The following NRXN1 variants were observed in gnomAD, a reference collection of about 807,000 sequenced individuals.
The protein encoded by NRXN1 is neurexin-1.
NRXN1 carries 39 observed loss-of-function variants against 150.9 expected under a neutral mutation model. The ratio of observed to expected loss-of-function variants is 0.26; its 90% CI spans 0.20 to 0.34. The LOEUF is 0.34. Ranked by LOEUF, NRXN1 falls within the 10% of genes least tolerant of loss-of-function variation. NRXN1 has a pLI of 1.00. For missense variants in NRXN1, 1,815 were observed against 1,949.9 expected (o/e 0.93, Z 1.30); for synonymous variants, 924 against 757.0 (o/e 1.22, Z -3.62).
intron 18 of NRXN1, among the ~76,000 whole-genome samples, chr2:50,119,208 C>T (rs1703500179): frequency 6.6e-6 from 1 of 152,002 alleles, no homozygotes; most frequent in Non-Finnish European, 1.5e-5. Context: ...GAATGTCTTA[C>T]CATTATGTGT....
At chr2:51,024,439 T>C (rs1575262846) in intron 2 of NRXN1, among the ~76,000 whole-genome samples, 1 of 152,098 alleles carries the variant, frequency 6.6e-6, no homozygotes, top group Non-Finnish European at 1.5e-5. Context: ...TTGCCAGACG[T>C]CAAGAAAAAG....
chr2:50,902,673 A>C (rs905399368), intron 5 of NRXN1, among the ~76,000 whole-genome samples: 4 of 152,056 alleles, frequency 2.6e-5, no homozygotes, highest in Non-Finnish European at 5.9e-5. Context: ...GTGTAGTTTG[A>C]CCTTAGTGGG....
chr2:50,563,789 C>G (rs1669465987), intron 8 of NRXN1, among the ~76,000 whole-genome samples: 1 of 152,188 alleles, frequency 6.6e-6, no homozygotes, highest in East Asian at 1.9e-4. Context: ...TTCTATGCTT[C>G]CTCAACCTGA....
intron 5 of NRXN1, among the ~76,000 whole-genome samples, chr2:50,645,988 G>A (rs1684763229): frequency 6.6e-6 from 1 of 151,880 alleles, no homozygotes; most frequent in South Asian, 2.1e-4. Flanking sequence ...CAACTGGCAT[G>A]CTGGAAGGGC....
rs532237317 is a variant in NRXN1 at position 50,679,704 on chromosome 2, T to C, written c.833-56089A>G. Among the ~76,000 whole-genome samples, 3 of 152,260 alleles carry C rather than the reference T, an allele frequency of 2.0e-5. No homozygotes were observed. In the East Asian group the frequency reaches 5.8e-4, roughly 29 times the overall value. On this transcript the variant is annotated intron_variant, in intron 5 of 22. Coordinates refer to ENST00000401669, the MANE Select transcript of NRXN1 (RefSeq NM_001330078.2). The stretch of plus-strand genomic sequence containing the variant: ...TTATTCTATTAATAAAGAAAATGTA[T>C]ATGAAGAAAATGCACTTTACAAAGT...
chr2:50,439,620 C>T (rs2085754398), intron 17 of NRXN1, among the ~76,000 whole-genome samples: 1 of 151,892 alleles, frequency 6.6e-6, no homozygotes, highest in Non-Finnish European at 1.5e-5. Flanking sequence ...TCCTGGCTAA[C>T]ACGGTGAAAA....
intron 17 of NRXN1, among the ~76,000 whole-genome samples, chr2:50,329,235 T>C (rs2076584623): frequency 6.6e-6 from 1 of 152,084 alleles, no homozygotes; most frequent in South Asian, 2.1e-4. Flanking sequence ...AAGGAACACA[T>C]CACTAGGTAA....
intron 15 of NRXN1, among the ~76,000 whole-genome samples, chr2:50,490,177 A>T (rs1312508939): frequency 6.6e-6 from 1 of 152,208 alleles, no homozygotes; most frequent in African/African-American, 2.4e-5. Flanking sequence ...AATTGCCTCA[A>T]AAGTGGTGTC....
chr2:50,515,623 G>A (rs1350214188), intron 12 of NRXN1, among the ~76,000 whole-genome samples: 1 of 151,766 alleles, frequency 6.6e-6, no homozygotes, highest in Admixed American at 6.6e-5. Context: ...GTGTGTGTGT[G>A]TGTGTGTGTG....
intron 21 of NRXN1, among the ~76,000 whole-genome samples, chr2:50,040,367 T>C (rs1464169228): frequency 2.0e-5 from 3 of 150,670 alleles, no homozygotes; most frequent in Non-Finnish European, 4.4e-5. Context: ...TCAAGTATTA[T>C]ATATATAATA....
At chr2:50,926,147 G>C (rs2104336056) in intron 2 of NRXN1, among the ~76,000 whole-genome samples, 192 bp from the exon 3 acceptor site, 1 of 152,018 alleles carries the variant, frequency 6.6e-6, no homozygotes, top group East Asian at 1.9e-4. Context: ...AGCATTGATA[G>C]GAAGTGAGAC....
intron 17 of NRXN1, among the ~76,000 whole-genome samples, chr2:50,400,836 G>A (rs2082345446): frequency 6.6e-6 from 1 of 152,166 alleles, no homozygotes; most frequent in Non-Finnish European, 1.5e-5. Flanking sequence ...CTGAAGATAT[G>A]AATATGTTTA....
chr2:50,311,827 G>A (rs2075207571), intron 17 of NRXN1, among the ~76,000 whole-genome samples: 1 of 152,026 alleles, frequency 6.6e-6, no homozygotes, highest in Non-Finnish European at 1.5e-5. Context: ...CAACATTCAG[G>A]AGTATCCTAA....
chr2:50,802,874 G>A (rs1468606114), intron 5 of NRXN1, among the ~76,000 whole-genome samples: 3 of 152,046 alleles, frequency 2.0e-5, no homozygotes, highest in South Asian at 2.1e-4. Context: ...CAAGAAATGC[G>A]GAAGACTGCC....
chr2:50,045,125 T>C (rs564016347), intron 21 of NRXN1, among the ~76,000 whole-genome samples: 76 of 151,720 alleles, frequency 5.0e-4, no homozygotes, highest in African/African-American at 1.8e-3. Flanking sequence ...TGTTAATGTA[T>C]TTTTTATTGC....
At chr2:50,307,046 G>A (rs551164310) in intron 17 of NRXN1, among the ~76,000 whole-genome samples, 1 of 151,914 alleles carries the variant, frequency 6.6e-6, no homozygotes, top group Non-Finnish European at 1.5e-5. Flanking sequence ...GTGCAGTGGC[G>A]TGATCTTGGC....
intron 5 of NRXN1, among the ~76,000 whole-genome samples, chr2:50,740,011 C>T (rs1333329050): frequency 6.6e-6 from 1 of 152,182 alleles, no homozygotes; most frequent in Non-Finnish European, 1.5e-5. Flanking sequence ...GCCTTTATAT[C>T]ACTTCTACTC....
At chr2:50,661,256 C>T (rs1044081663) in intron 5 of NRXN1, among the ~76,000 whole-genome samples, 2 of 151,970 alleles carry the variant, frequency 1.3e-5, no homozygotes, top group African/African-American at 2.4e-5. Context: ...TAATCCACCA[C>T]GGAAGAAAAG....
rs1186331843 is a variant in NRXN1 at position 50,952,074 on chromosome 2, C to T, written c.773-26119G>A. 5.8e-4 allele frequency among the ~76,000 whole-genome samples: 85 copies of T among 146,400 alleles called. 1 individual carries two copies. Among genetic ancestry groups the T allele is most frequent in the Non-Finnish European group, 2.4e-4 (16 of 66,698 alleles). ...CTCCGCCTCCCGGGTTCATGCCATT[C>T]TCCTGCCTCAGCCTCCCAAGTAGCT... On this transcript the variant is annotated intron_variant, in intron 2 of 22. Transcript: ENST00000401669.
Sources: gnomAD v4.1 joint callset for allele counts (sites outside exome capture counted in the v4.1 genomes callset) on GRCh38, gnomAD v4.1.1 for gene constraint, MANE v1.5 for transcripts, NCBI Gene and HGNC (gene_info 2026-07-23, HGNC 2026-07-21) for gene names.